The following HSD11B2 variants were observed in gnomAD, a reference collection of about 807,000 sequenced individuals.
The protein encoded by HSD11B2 is 11-beta-hydroxysteroid dehydrogenase type 2.
Under a neutral mutation model 20.9 loss-of-function variants are expected in HSD11B2, and 17 were observed. The ratio of observed to expected loss-of-function variants is 0.81; its 90% CI spans 0.56 to 1.22. The LOEUF is 1.22. HSD11B2 is among the 50% of genes most tolerant of loss of function. The pLI, the probability that HSD11B2 is intolerant of heterozygous loss-of-function variation, is 0.00. For missense variants in HSD11B2, 480 were observed against 563.6 expected (o/e 0.85, Z 1.50); for synonymous variants, 253 against 255.4 (o/e 0.99, Z 0.09).
rs1369183592 is a variant in HSD11B2 at position 67,431,396 on chromosome 16, C to A, written c.148C>A (p.Arg50Ser). Residue 50 changes from arginine to serine, a missense_variant, in exon 1 of 5, where the codon CGC becomes AGC. Arg to Ser is a moderately radical substitution (Grantham distance 110). Around this residue, in one of 2 missense-constraint regions of HSD11B2, gnomAD observed 106 missense variants for 82.8 expected, o/e 1.28. Coordinates refer to ENST00000326152, the MANE Select transcript of HSD11B2 (RefSeq NM_000196.4). ...GGCCGCGCTCGACTGGCTGTGCCAG[C>A]GCCTGCTGCCCCCGCCGGCCGCACT... ...LLAALDWLCQ[R>S]LLPPPAALAV... The A allele has an allele frequency of 7.1e-6, 9 of 1,268,592 alleles. No individual in the cohort carries two copies. Among genetic ancestry groups the A allele is most frequent in the Non-Finnish European group, 8.9e-6 (9 of 1,007,188 alleles). The allele number at this position is 1,268,592 out of a possible 1,614,324, so 78.6% of individuals were successfully genotyped here. A position where few individuals can be genotyped will look rare whatever the true frequency, so the allele number is the denominator to read the frequency against.
upstream of HSD11B2, among the ~76,000 whole-genome samples, chr16:67,430,355 G>C (rs775892123): frequency 6.6e-6 from 1 of 152,182 alleles, no homozygotes; most frequent in Non-Finnish European, 1.5e-5. This position sits in a 1 kb window ranked among gnomAD's most constrained non-coding sequence, Gnocchi z 5.4. Flanking sequence ...GGAGACCTAG[G>C]TGCTTCCTCT....
upstream of HSD11B2, among the ~76,000 whole-genome samples, chr16:67,430,343 T>A (rs765334747): frequency 3.3e-5 from 5 of 152,046 alleles, no homozygotes; most frequent in Non-Finnish European, 7.4e-5. This position sits in a 1 kb window ranked among gnomAD's most constrained non-coding sequence, Gnocchi z 5.4. Context: ...CCATAAGTAA[T>A]GGGAGACCTA....
At chr16:67,432,263 G>A (rs531189484) in intron 1 of HSD11B2, among the ~76,000 whole-genome samples, 2 of 152,078 alleles carry the variant, frequency 1.3e-5, no homozygotes, top group Admixed American at 6.5e-5. Flanking sequence ...AGGGGAAGGG[G>A]GGGGGGGGCT....
At chr16:67,432,259 A>AGGG (rs35257037) in intron 1 of HSD11B2, among the ~76,000 whole-genome samples, 42 of 103,410 alleles carry the variant, frequency 4.1e-4, no homozygotes, top group Middle Eastern at 4.4e-3. Flanking sequence ...GGGAAGGGGA[A>AGGG]GGGGGGGGGG....
chr16:67,436,595 G>A lies in HSD11B2; in HGVS notation c.810G>A (p.Val270=), dbSNP rs765307666. 1 of 1,614,148 alleles carries A rather than the reference G, an allele frequency of 6.2e-7. No individual in the cohort carries two copies. Residue 270 remains valine, a synonymous_variant, in exon 5 of 5, where the codon GTG becomes GTA. Coordinates refer to ENST00000326152, the MANE Select transcript of HSD11B2 (RefSeq NM_000196.4). The surrounding 1 kb of genome is among the most constrained non-coding windows in gnomAD (Gnocchi z 5.7). ...IQPGCFKTES[V]RNVGQWEKRK... ...TTGCCACTCCTTCCCCAGAGTCAGT[G>A]AGAAACGTGGGTCAGTGGGAAAAGC...
chr16:67,431,585 T>G, intron 1 of HSD11B2, 72 bp downstream of exon 1: 1 of 1,223,178 alleles, frequency 8.2e-7, no homozygotes, highest in South Asian at 2.9e-5. Flanking sequence ...CAGGACTGAC[T>G]CCCCATGGGC....
intron 1 of HSD11B2, among the ~76,000 whole-genome samples, chr16:67,434,016 A>G (rs2040952549): frequency 6.6e-6 from 1 of 152,174 alleles, no homozygotes; most frequent in Non-Finnish European, 1.5e-5. Flanking sequence ...CCATGGAGCC[A>G]GGATCAGCAT....
rs542287681 is a variant in HSD11B2, at chr16:67,436,063, C to A, written c.585C>A (p.Gly195=). The change falls in exon 3 of 5, where the codon GGC becomes GGA. Residue 195 remains glycine, a synonymous_variant. Transcript: ENST00000326152. The surrounding 1 kb of genome is among the most constrained non-coding windows in gnomAD (Gnocchi z 5.7). ...FRSCMEVNFF[G]ALELTKGLLP... The stretch of plus-strand genomic sequence containing the variant: ...GCTGCATGGAGGTGAATTTCTTTGG[C>A]GCGCTCGAGCTGACCAAGGGCCTCC... The A allele has an allele frequency of 1.2e-6, 2 of 1,614,210 alleles. No homozygotes were observed. The highest frequency in any genetic ancestry group is 1.7e-6 in the Non-Finnish European group (2 of 1,180,044).
intron 1 of HSD11B2, among the ~76,000 whole-genome samples, chr16:67,432,270 G>C (rs940866641): frequency 3.3e-5 from 5 of 152,036 alleles, no homozygotes; most frequent in African/African-American, 4.8e-5. Context: ...GGGGGGGGGG[G>C]GCTGGAGGCC....
chr16:67,434,106 T>A (rs995659348), intron 1 of HSD11B2, among the ~76,000 whole-genome samples: 2 of 151,856 alleles, frequency 1.3e-5, no homozygotes, highest in African/African-American at 4.8e-5. Context: ...TCTCTTCGCA[T>A]ACCAAAGACA....
chr16:67,432,310 AG>A (rs989497391), intron 1 of HSD11B2, among the ~76,000 whole-genome samples: 3 of 150,958 alleles, frequency 2.0e-5, no homozygotes, highest in African/African-American at 7.3e-5. Context: ...GAGAAAGGCC[AG>A]GGGGCACTGA....
At chr16:67,434,127 CTCCAAGAG>C (rs74315157) in intron 1 of HSD11B2, among the ~76,000 whole-genome samples, 8,965 of 152,288 alleles carry the variant, frequency 0.059, 382 homozygotes, top group Non-Finnish European at 0.085. Flanking sequence ...GAAATTAAGC[CTCCAAGAG>C]TGGTAACTGA....
At position 67,436,427 on chromosome 16, in the gene HSD11B2, G is replaced by A. The variant is rs1468855258; in HGVS notation, c.802+41G>A. ...GGGGGTGGGGTGGGGGTGGGGAATG[G>A]GGCTGGGAATGGTCTTATGGGGGCA... On this transcript the variant is annotated intron_variant, in intron 4 of 4. Coordinates refer to ENST00000326152, the MANE Select transcript of HSD11B2 (RefSeq NM_000196.4). The surrounding 1 kb of genome is among the most constrained non-coding windows in gnomAD (Gnocchi z 5.7). 6.6e-7 allele frequency: 1 copy of A among 1,518,226 alleles called. No homozygotes were observed. The highest frequency in any genetic ancestry group is 8.9e-7 in the Non-Finnish European group (1 of 1,118,082). The allele number at this position is 1,518,226 out of a possible 1,614,324, so 94.0% of individuals were successfully genotyped here.
chr16:67,430,400 C>T (rs1469830192), upstream of HSD11B2, among the ~76,000 whole-genome samples: 1 of 152,172 alleles, frequency 6.6e-6, no homozygotes, highest in Non-Finnish European at 1.5e-5. This position sits in a 1 kb window ranked among gnomAD's most constrained non-coding sequence, Gnocchi z 5.4. Flanking sequence ...CACACACATA[C>T]ATTTGTGAGG....
At chr16:67,432,265 G>GT (rs1567529381) in intron 1 of HSD11B2, among the ~76,000 whole-genome samples, 2 of 152,106 alleles carry the variant, frequency 1.3e-5, no homozygotes, top group African/African-American at 4.8e-5. Flanking sequence ...GGGAAGGGGG[G>GT]GGGGGGCTGG....
chr16:67,435,843 C>A lies in HSD11B2; in HGVS notation c.478+3C>A, dbSNP rs374453659. The A allele has an allele frequency of 2.3e-5, 37 of 1,614,016 alleles. No individual in the cohort carries two copies. The highest frequency in any genetic ancestry group is 3.1e-5 in the Non-Finnish European group (36 of 1,180,016). On this transcript the variant is annotated splice_donor_region_variant and intron_variant, in intron 2 of 4. Transcript: ENST00000326152. ...CAAGGCCCACACCACCAGCACCGGT[C>A]AGTGGCAAGTGTCCACCAGGCAAGG...
chr16:67,434,350 G>A (rs190486096), intron 1 of HSD11B2, among the ~76,000 whole-genome samples: 2 of 152,334 alleles, frequency 1.3e-5, no homozygotes, highest in Admixed American at 6.5e-5. Flanking sequence ...AGAGGGTGTT[G>A]AGGCTGGGAA....
In HSD11B2 at chr16:67,436,232, T is replaced by C; in HGVS notation, c.665-17T>C. The C allele has an allele frequency of 6.2e-7, 1 of 1,613,762 alleles. No individual in the cohort carries two copies. Among genetic ancestry groups the C allele is most frequent in the Non-Finnish European group, 8.5e-7 (1 of 1,179,954 alleles). On this transcript the variant is annotated splice_polypyrimidine_tract_variant and intron_variant, in intron 3 of 4. Coordinates refer to ENST00000326152, the MANE Select transcript of HSD11B2 (RefSeq NM_000196.4). The surrounding 1 kb of genome is among the most constrained non-coding windows in gnomAD (Gnocchi z 5.7). ...CCTTGCCAAAGCTGAGCTGCCCCACTCCCAATCCATCCGCAGGGGACATGC... is the reference window on the plus strand; with the variant it reads ...CCTTGCCAAAGCTGAGCTGCCCCACCCCCAATCCATCCGCAGGGGACATGC...
chr16:67,436,944 C>T lies in HSD11B2; in HGVS notation c.1159C>T (p.Gln387Ter). The change falls in exon 5 of 5, where the codon CAG becomes TAG. Residue 387 changes from glutamine (Q) to a stop codon, truncating the protein, a stop_gained. Coordinates refer to ENST00000326152, the MANE Select transcript of HSD11B2 (RefSeq NM_000196.4). LOFTEE classifies it high-confidence loss of function. This position sits in a 1 kb window ranked among gnomAD's most constrained non-coding sequence, Gnocchi z 5.7. ...TGGCCAGCCTGGCACTACCCCACCACAGGACGCAGCCCAGGACCCAAACCT... is the reference window on the plus strand; with the variant it reads ...TGGCCAGCCTGGCACTACCCCACCATAGGACGCAGCCCAGGACCCAAACCT... ...QPGQPGTTPP[Q>*]DAAQDPNLSP... The T allele has an allele frequency of 3.1e-6, 5 of 1,612,014 alleles. No individual in the cohort carries two copies. Among genetic ancestry groups the T allele is most frequent in the South Asian group, 2.2e-5 (2 of 91,086 alleles).
Sources: gnomAD v4.1 joint callset for allele counts (sites outside exome capture counted in the v4.1 genomes callset) on GRCh38, gnomAD v4.1.1 for gene constraint, gnomAD v4.1.1 regional missense constraint, Gnocchi (gnomAD v3.1) non-coding constraint, MANE v1.5 for transcripts, NCBI Gene and HGNC (gene_info 2026-07-23, HGNC 2026-07-21) for gene names.